SLC25A41: variants seen among roughly 807,000 people sequenced by gnomAD.
The protein encoded by SLC25A41 is solute carrier family 25 member 41.
A neutral mutation model predicts 34.7 loss-of-function variants in SLC25A41; 35 were observed. That is an observed-to-expected ratio of 1.01 (90% CI 0.77 to 1.34). SLC25A41 has a LOEUF of 1.34. Ranked by LOEUF, SLC25A41 falls within the 40% of genes most tolerant of loss-of-function variation. The probability of loss-of-function intolerance (pLI) is 0.00; values close to 1 mark genes in which losing one functional copy is unlikely to be tolerated. For synonymous variants in SLC25A41, 190 were observed against 209.9 expected (o/e 0.91, Z 0.82); for missense variants, 492 against 489.8 (o/e 1.00, Z -0.04).
At chr19:6,428,454 A>G (rs1409452058) in intron 4 of SLC25A41, among the ~76,000 whole-genome samples, 1 of 148,064 alleles carries the variant, frequency 6.8e-6, no homozygotes, top group African/African-American at 2.5e-5. Flanking sequence ...CGGTCCACAG[A>G]TGAGAAATGA....
Position 6,427,010 on chromosome 19 carries a change from G to A in SLC25A41, c.940+93C>T. Reference sequence around the variant, plus strand: ...AGTGGGCTGGGATCAGACACGGAGGGTGCCGGACTCAGTTTTGGGGTATGA... The same window carrying A: ...AGTGGGCTGGGATCAGACACGGAGGATGCCGGACTCAGTTTTGGGGTATGA... On this transcript the variant is annotated intron_variant, in intron 6 of 6. Transcript: ENST00000321510. This position sits in a 1 kb window ranked among gnomAD's most constrained non-coding sequence, Gnocchi z 4.9. The A allele has an allele frequency of 1.4e-6, 2 of 1,398,668 alleles. No homozygotes were observed. Among genetic ancestry groups the A allele is most frequent in the Non-Finnish European group, 1.9e-6 (2 of 1,027,402 alleles). The allele number at this position is 1,398,668 out of a possible 1,614,324, so 86.6% of individuals were successfully genotyped here. A position where few individuals can be genotyped will look rare whatever the true frequency, so the allele number is the denominator to read the frequency against.
chr19:6,433,815 G>A, upstream of SLC25A41: 2 of 821,422 alleles, frequency 2.4e-6, no homozygotes, highest in South Asian at 2.0e-5. Context: ...AGTCACAAAC[G>A]CCCCTGTGAC....
intron 2 of SLC25A41, chr19:6,430,605 A>T: frequency 3.0e-6 from 1 of 329,528 alleles, no homozygotes. Flanking sequence ...CTCCTGCCTC[A>T]GCCTCCCGAG....
chr19:6,436,243 G>A (rs930412793), upstream of SLC25A41: 1 of 301,532 alleles, frequency 3.3e-6, no homozygotes, highest in Non-Finnish European at 6.9e-6. Context: ...ATCAGTGTTT[G>A]AAGTATAAGA....
intron 4 of SLC25A41, among the ~76,000 whole-genome samples, chr19:6,429,048 ATTATATATATGT>A (rs1307906261): frequency 0.011 from 436 of 38,130 alleles, 107 homozygotes; most frequent in Admixed American, 0.014. Context: ...TAATATATAT[ATTATATATATGT>A]TATATATATA....
rs777427831 is a variant in SLC25A41 at position 6,427,720 on chromosome 19, C to T, written c.625-219G>A. Reference sequence around the variant, plus strand: ...AGGCCAAGAGAGTGAGGGAAGAAGGCTCACGTCTGTCTTCCCAGCCCTTTG... The same window carrying T: ...AGGCCAAGAGAGTGAGGGAAGAAGGTTCACGTCTGTCTTCCCAGCCCTTTG... On this transcript the variant is annotated intron_variant, in intron 4 of 6. Coordinates refer to ENST00000321510, the MANE Select transcript of SLC25A41 (RefSeq NM_173637.4). The surrounding 1 kb of genome is among the most constrained non-coding windows in gnomAD (Gnocchi z 4.9). 2.6e-5 allele frequency among the ~76,000 whole-genome samples: 4 copies of T among 152,204 alleles called. No individual in the cohort carries two copies. In the East Asian group the frequency reaches 7.7e-4, roughly 29 times the overall value.
chr19:6,433,431 C>A, intron 1 of SLC25A41, 56 bp downstream of exon 1: 1 of 1,557,464 alleles, frequency 6.4e-7, no homozygotes. Flanking sequence ...GGTAGCCTGG[C>A]CTCTCCCTGT....
Position 6,433,678 on chromosome 19 carries a change from C to G in SLC25A41, c.16G>C (p.Gly6Arg). 1.3e-6 allele frequency: 2 copies of G among 1,566,810 alleles called. No individual in the cohort carries two copies. The highest frequency in any genetic ancestry group is 1.7e-6 in the Non-Finnish European group (2 of 1,152,572). Residue 6 changes from glycine to arginine, a missense_variant, in exon 1 of 7, where the codon GGG becomes CGG. By Grantham distance (125) the Gly-to-Arg change is moderately radical. Coordinates refer to ENST00000321510, the MANE Select transcript of SLC25A41 (RefSeq NM_173637.4). ...CTAGAGCAAGTGTTCTGAGGTTCCC[C>G]AGGCTGAGCGCCCATGGAGGAAGTT... MGAQPGEPQNTCSRIQ... is the reference protein window; with the variant it reads MGAQPREPQNTCSRIQ...
chr19:6,429,109 A>ATATATG lies in SLC25A41; in HGVS notation c.624+614_624+615insCATATA, dbSNP rs1156908922. On this transcript the variant is annotated intron_variant, in intron 4 of 6. Transcript: ENST00000321510. Reference sequence around the variant, plus strand: ...TTATATATATGTTACATATATATATAATATATATATTATATATATGTTATA... The same window carrying ATATATG: ...TTATATATATGTTACATATATATATATATATGATATATATATTATATATATGTTATA... Among the ~76,000 whole-genome samples the ATATATG allele has an allele frequency of 3.9e-4, 14 of 35,602 alleles. 2 individuals carry two copies. Among genetic ancestry groups the ATATATG allele is most frequent in the Admixed American group, 7.4e-4 (1 of 1,352 alleles). 23.4% of individuals were successfully genotyped at this position (35,602 alleles called of 152,430 possible).
At chr19:6,430,188 G>A (rs377199538) in intron 2 of SLC25A41, 27 bp from the exon 3 acceptor site, 23 of 1,588,452 alleles carry the variant, frequency 1.4e-5, no homozygotes, top group Non-Finnish European at 2.0e-5. Context: ...CCCTGGAGGA[G>A]CCCCTGCTCG....
chr19:6,428,875 G>A (rs2092256818), intron 4 of SLC25A41, among the ~76,000 whole-genome samples: 1 of 142,642 alleles, frequency 7.0e-6, no homozygotes, highest in Admixed American at 7.6e-5. Flanking sequence ...CACCACACCT[G>A]GCTGATTTTT....
Position 6,426,134 on chromosome 19 carries a change from G to A in SLC25A41, c.*255C>T. On this transcript the variant is annotated 3_prime_UTR_variant, in exon 7 of 7. Transcript: ENST00000321510. ...CACAAGGGGCCAGACTGGAGTCCACGTTTCTTGTCTCAGGCTGCACCCTGG... is the reference window on the plus strand; with the variant it reads ...CACAAGGGGCCAGACTGGAGTCCACATTTCTTGTCTCAGGCTGCACCCTGG... The A allele has an allele frequency of 2.1e-6, 1 of 472,488 alleles. No homozygotes were observed. The highest frequency in any genetic ancestry group is 3.9e-6 in the Non-Finnish European group (1 of 259,484). The allele number at this position is 472,488 out of a possible 1,614,324, so 29.3% of individuals were successfully genotyped here.
At position 6,429,122 on chromosome 19, in the gene SLC25A41, T is replaced by TG. The variant is rs1429884500; in HGVS notation, c.624+601_624+602insC. 4.1e-5 allele frequency among the ~76,000 whole-genome samples: 2 copies of TG among 48,968 alleles called. 1 individual carries two copies. The highest frequency in any genetic ancestry group is 2.5e-4 in the African/African-American group (2 of 7,968). 32.1% of individuals were successfully genotyped at this position (48,968 alleles called of 152,430 possible). ...ACATATATATATAATATATATATTA[T>TG]ATATATGTTATATATATATATAATA... On this transcript the variant is annotated intron_variant, in intron 4 of 6. Transcript: ENST00000321510.
At chr19:6,429,665 C>T in intron 4 of SLC25A41, 59 bp downstream of exon 4, 8 of 1,293,936 alleles carry the variant, frequency 6.2e-6, no homozygotes, top group Non-Finnish European at 8.5e-6. Context: ...GTAGCCCCAG[C>T]AACGTGGGTA....
At chr19:6,428,375 C>T (rs1276079302) in intron 4 of SLC25A41, among the ~76,000 whole-genome samples, 1 of 145,316 alleles carries the variant, frequency 6.9e-6, no homozygotes, top group Admixed American at 7.0e-5. Context: ...CACTGCACTC[C>T]AGCCTGGGTG....
At chr19:6,433,953 G>T (rs1045356449), upstream of SLC25A41, among the ~76,000 whole-genome samples, 2 of 151,402 alleles carry the variant, frequency 1.3e-5, no homozygotes, top group African/African-American at 4.9e-5. Context: ...TATTATTATC[G>T]TTTTTTTTGA....
chr19:6,429,855 A>T lies in SLC25A41; in HGVS notation c.517-24T>A, dbSNP rs200323445. 4.5e-5 allele frequency: 73 copies of T among 1,605,528 alleles called. No homozygotes were observed. In the African/African-American group the frequency reaches 9.5e-4, roughly 21 times the overall value. On this transcript the variant is annotated intron_variant, in intron 3 of 6. Coordinates refer to ENST00000321510, the MANE Select transcript of SLC25A41 (RefSeq NM_173637.4). The stretch of plus-strand genomic sequence containing the variant: ...CACTGGGAGAGGAGAGAGGAGGGTG[A>T]GAGAGAAGTCAGCCACCCTCCGACA...
In SLC25A41 at chr19:6,427,199, C is replaced by A. The variant is rs1403852408; in HGVS notation, c.844G>T (p.Gly282Cys). 1 of 1,612,634 alleles carries A rather than the reference C, an allele frequency of 6.2e-7. No individual in the cohort carries two copies. Among genetic ancestry groups the A allele is most frequent in the Non-Finnish European group, 8.5e-7 (1 of 1,179,786 alleles). ...KSGRDMGDPS[G>C]LVSLSSVTLS... ...GTCACAGACGACAGACTGACCAGGC[C>A]ACTGGGGTCCCCCATATCCCTGCCT... is the stretch of plus-strand genomic sequence containing the variant. The change falls in exon 6 of 7, where the codon GGC becomes TGC. Residue 282 changes from glycine to cysteine, a missense_variant. Physicochemically the swap from Gly to Cys is radical, Grantham distance 159 (BLOSUM62 -3). Transcript: ENST00000321510. This position sits in a 1 kb window ranked among gnomAD's most constrained non-coding sequence, Gnocchi z 4.9.
At position 6,426,575 on chromosome 19, in the gene SLC25A41, G is replaced by A. The variant is rs2092242584; in HGVS notation, c.941-14C>T. ...CCTCCACGGTATCTGCAGGGACACA[G>A]GCAAGATCAGGACTAGGCCAGAGAT... On this transcript the variant is annotated splice_polypyrimidine_tract_variant and intron_variant, in intron 6 of 6. Coordinates refer to ENST00000321510, the MANE Select transcript of SLC25A41 (RefSeq NM_173637.4). The A allele has an allele frequency of 1.2e-6, 2 of 1,610,404 alleles. No homozygotes were observed. Among genetic ancestry groups the A allele is most frequent in the Middle Eastern group, 1.7e-4 (1 of 5,766 alleles).
Sources: allele counts gnomAD v4.1 joint callset (sites outside exome capture counted in the v4.1 genomes callset), GRCh38; gene constraint gnomAD v4.1.1; non-coding constraint Gnocchi (gnomAD v3.1); transcripts MANE v1.5; gene names NCBI Gene and HGNC (gene_info 2026-07-23, HGNC 2026-07-21).